The following RIMS4 variants were observed in gnomAD, a reference collection of about 807,000 sequenced individuals.
RIMS4 encodes regulating synaptic membrane exocytosis 4.
RIMS4 carries 9 observed loss-of-function variants against 29.0 expected under a neutral mutation model. That is an observed-to-expected ratio of 0.31 (90% CI 0.19 to 0.54). RIMS4 has a LOEUF of 0.54. Ranked by LOEUF, RIMS4 falls within the 20% of genes least tolerant of loss-of-function variation. The pLI is 0.94. For synonymous variants in RIMS4, 130 were observed against 152.9 expected, an observed-to-expected ratio of 0.85 and a Z score of 1.10; for missense variants, 193 against 365.7, an observed-to-expected ratio of 0.53 and a Z score of 3.85.
At chr20:44,804,593 G>A (rs1178305202) in intron 1 of RIMS4, among the ~76,000 whole-genome samples, 1 of 152,224 alleles carries the variant, frequency 6.6e-6, no homozygotes, top group Non-Finnish European at 1.5e-5. Context: ...AGACAGACAA[G>A]AGGGTCGGCT....
intron 1 of RIMS4, among the ~76,000 whole-genome samples, chr20:44,803,275 T>G (rs2066284519): frequency 6.6e-6 from 1 of 152,200 alleles, no homozygotes; most frequent in Non-Finnish European, 1.5e-5. Flanking sequence ...AAAGAAAACC[T>G]GGACTCAGAG....
chr20:44,760,150 C>T (rs1174683977), intron 2 of RIMS4, among the ~76,000 whole-genome samples: 1 of 152,196 alleles, frequency 6.6e-6, no homozygotes. Context: ...CAGAGGAAGT[C>T]AGGCAAGGAG....
chr20:44,764,204 A>G (rs2066102439), intron 2 of RIMS4, among the ~76,000 whole-genome samples: 2 of 12,276 alleles, frequency 1.6e-4, no homozygotes, highest in African/African-American at 2.9e-4. Context: ...CCATCCATCC[A>G]TCCATCCACC....
Position 44,753,003 on chromosome 20 carries a change from C to T in RIMS4, c.*3131G>A. On this transcript the variant is annotated 3_prime_UTR_variant, in exon 6 of 6. Transcript: ENST00000372851. ...GGTGGAGCCCAGTAGGGCTGTGCAG[C>T]CCAGGGCTTCGAGGCCAGGAATCCT... The T allele has an allele frequency of 6.5e-6, 1 of 152,862 alleles. No homozygotes were observed. Among genetic ancestry groups the T allele is most frequent in the Non-Finnish European group, 1.5e-5 (1 of 68,122 alleles). 9.5% of individuals were successfully genotyped at this position (152,862 alleles called of 1,614,324 possible).
chr20:44,810,350 C>T lies in RIMS4; in HGVS notation c.-79G>A, dbSNP rs2066319566. On this transcript the variant is annotated 5_prime_UTR_variant, in exon 1 of 6. Coordinates refer to ENST00000372851, the MANE Select transcript of RIMS4 (RefSeq NM_182970.4). ...GCTTGGGCAGCTTGGCCGCCCCATT[C>T]TTGACGCGGAGTACGGCGCGCGGCG... is the stretch of plus-strand genomic sequence containing the variant. 2 of 321,786 alleles carry T rather than the reference C, an allele frequency of 6.2e-6. No homozygotes were observed. Among genetic ancestry groups the T allele is most frequent in the Non-Finnish European group, 9.0e-6 (2 of 222,872 alleles). The allele number at this position is 321,786 out of a possible 1,614,324, so 19.9% of individuals were successfully genotyped here.
rs2066296249 is a variant in RIMS4 at position 44,805,833 on chromosome 20, T to TC, written c.97+4341dup. Among the ~76,000 whole-genome samples, 4 of 150,236 alleles carry TC rather than the reference T, an allele frequency of 2.7e-5. No homozygotes were observed. The South Asian group carries it at 8.4e-4, about 32-fold the overall frequency. Reference sequence around the variant, plus strand: ...AGGTGCCTGGGGGTGTGGAGAGAAATCGGAACTCTGATTCTCCCTGCCAGG... The same window carrying TC: ...AGGTGCCTGGGGGTGTGGAGAGAAATCCGGAACTCTGATTCTCCCTGCCAGG... On this transcript the variant is annotated intron_variant, in intron 1 of 5. Transcript: ENST00000372851.
intron 2 of RIMS4, among the ~76,000 whole-genome samples, chr20:44,761,756 C>T (rs1350974416): frequency 1.3e-5 from 2 of 152,236 alleles, no homozygotes; most frequent in African/African-American, 2.4e-5. Flanking sequence ...CTGGAAGAAG[C>T]CAAACCAAGA....
chr20:44,778,517 A>T (rs1482840414), intron 1 of RIMS4, among the ~76,000 whole-genome samples: 1 of 152,128 alleles, frequency 6.6e-6, no homozygotes, highest in Admixed American at 6.5e-5. Flanking sequence ...CTCTATAAAA[A>T]ATTTGAAAAT....
chr20:44,776,037 GA>G (rs143423974), intron 1 of RIMS4, among the ~76,000 whole-genome samples: 9,295 of 152,168 alleles, frequency 0.061, 921 homozygotes, highest in African/African-American at 0.21. Flanking sequence ...CCAGCACTTT[GA>G]AAGACCCAGG....
Position 44,756,788 on chromosome 20 carries a change from G to A in RIMS4, c.591+110C>T. 9.3e-7 allele frequency: 1 copy of A among 1,074,074 alleles called. No individual in the cohort carries two copies. The highest frequency in any genetic ancestry group is 1.3e-6 in the Non-Finnish European group (1 of 763,558). 66.5% of individuals were successfully genotyped at this position (1,074,074 alleles called of 1,614,324 possible). On this transcript the variant is annotated intron_variant, in intron 5 of 5. Transcript: ENST00000372851. The surrounding 1 kb of genome is among the most constrained non-coding windows in gnomAD (Gnocchi z 5.9). ...CTGAGGGCCTCGCCTGTTTCCTCCAGGCGAGGCCCTCCAGAGACACCCCCC... is the reference window on the plus strand; with the variant it reads ...CTGAGGGCCTCGCCTGTTTCCTCCAAGCGAGGCCCTCCAGAGACACCCCCC...
At chr20:44,798,132 C>G (rs960611190) in intron 1 of RIMS4, among the ~76,000 whole-genome samples, 8 of 152,190 alleles carry the variant, frequency 5.3e-5, no homozygotes, top group African/African-American at 1.9e-4. Context: ...TATTAAAATC[C>G]TTTGTCAGAC....
At chr20:44,806,784 T>C (rs768165389) in intron 1 of RIMS4, among the ~76,000 whole-genome samples, 1 of 152,212 alleles carries the variant, frequency 6.6e-6, no homozygotes, top group Non-Finnish European at 1.5e-5. Flanking sequence ...CAAGGCTTCA[T>C]TCCCTCACTT....
intron 1 of RIMS4, among the ~76,000 whole-genome samples, chr20:44,795,255 G>A (rs1884670): frequency 1.1e-4 from 16 of 152,216 alleles, no homozygotes; most frequent in African/African-American, 3.6e-4. Flanking sequence ...AGAGCCCAAA[G>A]AGCTGGACTT....
intron 1 of RIMS4, among the ~76,000 whole-genome samples, chr20:44,776,972 G>A (rs2066162858): frequency 6.6e-6 from 1 of 152,162 alleles, no homozygotes. Flanking sequence ...TGTTTTAAAT[G>A]CACCCTAAAG....
intron 1 of RIMS4, among the ~76,000 whole-genome samples, chr20:44,773,325 T>C (rs1403455025): frequency 6.6e-6 from 1 of 152,062 alleles, no homozygotes; most frequent in African/African-American, 2.4e-5. Context: ...CGACCCTCTA[T>C]CTCCACTGTT....
At chr20:44,758,822 C>T (rs1432912669) in intron 2 of RIMS4, among the ~76,000 whole-genome samples, 2 of 152,166 alleles carry the variant, frequency 1.3e-5, no homozygotes, top group African/African-American at 4.8e-5. Flanking sequence ...TCCCACCAGA[C>T]TTGAGCCTGA....
At chr20:44,787,308 G>A (rs1331848687) in intron 1 of RIMS4, among the ~76,000 whole-genome samples, 2 of 151,838 alleles carry the variant, frequency 1.3e-5, no homozygotes, top group Non-Finnish European at 2.9e-5. Context: ...AGATGGTGGC[G>A]ATGATGATAA....
chr20:44,757,508 T>C (rs6031783), intron 4 of RIMS4, among the ~76,000 whole-genome samples, 162 bp downstream of exon 4: 12,513 of 152,192 alleles, frequency 0.082, 1,016 homozygotes, highest in African/African-American at 0.22. Flanking sequence ...CAACTGGCTC[T>C]TCAAACAAAC....
Position 44,799,225 on chromosome 20 carries a change from C to T in RIMS4, c.97+10950G>A, listed in dbSNP as rs187662318. Among the ~76,000 whole-genome samples, 391 of 152,228 alleles carry T rather than the reference C, an allele frequency of 2.6e-3. 2 individuals are homozygous for T. Among genetic ancestry groups the T allele is most frequent in the Non-Finnish European group, 4.3e-3 (294 of 68,008 alleles). ...GGCTGAGGCAGGAGAATTACATGAACCCAGGAGGCAGAGGTTACAGTGACC... is the reference window on the plus strand; with the variant it reads ...GGCTGAGGCAGGAGAATTACATGAATCCAGGAGGCAGAGGTTACAGTGACC... On this transcript the variant is annotated intron_variant, in intron 1 of 5. Transcript: ENST00000372851.
Sources: gnomAD v4.1 joint callset for allele counts (sites outside exome capture counted in the v4.1 genomes callset) on GRCh38, gnomAD v4.1.1 for gene constraint, Gnocchi (gnomAD v3.1) non-coding constraint, MANE v1.5 for transcripts, NCBI Gene and HGNC (gene_info 2026-07-23, HGNC 2026-07-21) for gene names.